MYO3B: variants seen among roughly 807,000 people sequenced by gnomAD.
MYO3B encodes myosin-IIIb.
Under a neutral mutation model 174.6 loss-of-function variants are expected in MYO3B, and 156 were observed. The observed-to-expected ratio is 0.89, with a 90% CI of 0.78 to 1.02. The LOEUF (loss-of-function observed/expected upper bound fraction) is 1.02, where lower values mean the gene tolerates loss of function less well. MYO3B is among the 50% of genes least tolerant of loss of function. The probability of loss-of-function intolerance (pLI) is 0.00; values close to 1 mark genes in which losing one functional copy is unlikely to be tolerated. For missense variants in MYO3B, 1,632 were observed against 1,639.4 expected, an observed-to-expected ratio of 1.00 and a Z score of 0.08; for synonymous variants, 563 against 569.1, an observed-to-expected ratio of 0.99 and a Z score of 0.15.
At chr2:170,501,038 C>T (rs1687234942) in intron 27 of MYO3B, among the ~76,000 whole-genome samples, 1 of 152,088 alleles carries the variant, frequency 6.6e-6, no homozygotes. Context: ...CTATTTTGGA[C>T]TTCATGAGCT....
Position 170,498,711 on chromosome 2 carries a change from G to C in MYO3B, c.3126+8G>C, listed in dbSNP as rs375728954. 3 of 1,508,926 alleles carry C rather than the reference G, an allele frequency of 2.0e-6. No individual in the cohort carries two copies. The highest frequency in any genetic ancestry group is 2.3e-5 in the South Asian group (2 of 88,632). The allele number at this position is 1,508,926 out of a possible 1,614,324, so 93.5% of individuals were successfully genotyped here. A position where few individuals can be genotyped will look rare whatever the true frequency, so the allele number is the denominator to read the frequency against. ...GTACTGGGAAAAACAAAGGTAGTTC[G>C]TTCTTTATTGTTCAAATTGTCCCGT... On this transcript the variant is annotated splice_region_variant and intron_variant, in intron 26 of 34. Transcript: ENST00000408978.
At position 170,542,961 on chromosome 2, in the gene MYO3B, A is replaced by C. The variant is rs1205756110; in HGVS notation, c.3631A>C (p.Asn1211His). ...GTGCGATATCTTCGCAGGACATGCA[A>C]ACAAGGTAGCTGGATATCTTGATTC... ...KGCDIFAGHANKHSVSGTDLL... is the reference protein window; with the variant it reads ...KGCDIFAGHAHKHSVSGTDLL... Residue 1211 changes from asparagine to histidine, a missense_variant, in exon 31 of 35, where the codon AAC becomes CAC. By Grantham distance (68) the Asn-to-His change is moderately conservative. Coordinates refer to ENST00000408978, the MANE Select transcript of MYO3B (RefSeq NM_138995.5). 6.2e-7 allele frequency: 1 copy of C among 1,609,424 alleles called. No individual in the cohort carries two copies. Among genetic ancestry groups the C allele is most frequent in the Non-Finnish European group, 8.5e-7 (1 of 1,177,394 alleles).
At chr2:170,520,688 T>C (rs1688624027) in intron 30 of MYO3B, among the ~76,000 whole-genome samples, 1 of 152,084 alleles carries the variant, frequency 6.6e-6, no homozygotes, top group South Asian at 2.1e-4. Flanking sequence ...GAGCTTGCCT[T>C]TCAGTGACCT....
chr2:170,650,358 A>G (rs1042090005), intron 32 of MYO3B, among the ~76,000 whole-genome samples: 1 of 152,104 alleles, frequency 6.6e-6, no homozygotes, highest in African/African-American at 2.4e-5. Context: ...GGACCTTGCT[A>G]AGTCACTCTC....
At chr2:170,420,143 G>A (rs1042020307) in intron 22 of MYO3B, among the ~76,000 whole-genome samples, 10 of 152,084 alleles carry the variant, frequency 6.6e-5, no homozygotes, top group South Asian at 2.1e-4. Context: ...AGCCAAGATC[G>A]CACCACTGCA....
At chr2:170,517,039 C>G (rs943087720) in intron 29 of MYO3B, among the ~76,000 whole-genome samples, 1 of 152,172 alleles carries the variant, frequency 6.6e-6, no homozygotes, top group Non-Finnish European at 1.5e-5. Flanking sequence ...TTCCAACTGT[C>G]ACCAGCTCAT....
intron 7 of MYO3B, among the ~76,000 whole-genome samples, chr2:170,269,930 A>G (rs2093414117): frequency 6.6e-6 from 1 of 152,176 alleles, no homozygotes; most frequent in Admixed American, 6.6e-5. Context: ...AATAATTTGT[A>G]TTTCTAAACA....
At chr2:170,209,437 T>G (rs1358310078) in intron 3 of MYO3B, among the ~76,000 whole-genome samples, 1 of 152,188 alleles carries the variant, frequency 6.6e-6, no homozygotes, top group Non-Finnish European at 1.5e-5. Context: ...TTTCTATGAG[T>G]TCGGTCCATT....
At chr2:170,292,383 G>A (rs1295439261) in intron 7 of MYO3B, among the ~76,000 whole-genome samples, 2 of 152,050 alleles carry the variant, frequency 1.3e-5, no homozygotes, top group African/African-American at 2.4e-5. Flanking sequence ...TGAATTCCTG[G>A]TCAGAGAGCT....
intron 3 of MYO3B, among the ~76,000 whole-genome samples, chr2:170,201,532 T>C (rs781547370): frequency 6.6e-6 from 1 of 152,234 alleles, no homozygotes; most frequent in Non-Finnish European, 1.5e-5. Flanking sequence ...GGGAATTCAT[T>C]TGTTATATTC....
intron 32 of MYO3B, among the ~76,000 whole-genome samples, chr2:170,551,343 A>T (rs866923462): frequency 1.8e-4 from 2 of 10,928 alleles, no homozygotes; most frequent in Non-Finnish European, 4.4e-4. Context: ...AATTTAATTT[A>T]ATTTAATTAT....
chr2:170,569,044 AG>A (rs1270087907), intron 32 of MYO3B, among the ~76,000 whole-genome samples: 2 of 152,192 alleles, frequency 1.3e-5, no homozygotes, highest in East Asian at 1.9e-4. Flanking sequence ...GCCGGTGGGT[AG>A]GGGGAGAGAA....
At chr2:170,246,977 A>G (rs1401267560) in intron 7 of MYO3B, among the ~76,000 whole-genome samples, 2 of 152,230 alleles carry the variant, frequency 1.3e-5, no homozygotes, top group East Asian at 3.9e-4. Flanking sequence ...AGTCAAGACA[A>G]TCTTACATAA....
intron 22 of MYO3B, among the ~76,000 whole-genome samples, chr2:170,426,953 G>T (rs905285718): frequency 2.0e-5 from 3 of 152,036 alleles, no homozygotes; most frequent in Non-Finnish European, 4.4e-5. Flanking sequence ...GGGAGGCGGA[G>T]GATGCAGTCA....
intron 6 of MYO3B, among the ~76,000 whole-genome samples, chr2:170,228,988 A>AC (rs2092985432): frequency 6.7e-6 from 1 of 149,712 alleles, no homozygotes; most frequent in Non-Finnish European, 1.5e-5. Flanking sequence ...AAAACAACGA[A>AC]TCTCAAATGT....
chr2:170,416,889 G>C (rs1471539399), intron 22 of MYO3B, among the ~76,000 whole-genome samples: 4 of 144,812 alleles, frequency 2.8e-5, no homozygotes, highest in Non-Finnish European at 6.0e-5. Context: ...GCAGTGCCGC[G>C]ATCTCGGCTC....
At chr2:170,401,802 C>CTCTTTTT in intron 18 of MYO3B, 111 bp downstream of exon 18, 1 of 698,084 alleles carries the variant, frequency 1.4e-6, no homozygotes, top group South Asian at 2.0e-5. Context: ...CTTTCTTTTT[C>CTCTTTTT]TTTTTTTTTT....
At chr2:170,510,105 C>G (rs1687889775) in intron 28 of MYO3B, among the ~76,000 whole-genome samples, 1 of 152,162 alleles carries the variant, frequency 6.6e-6, no homozygotes. Flanking sequence ...CTAGAGCCTG[C>G]TAATTTCATA....
intron 22 of MYO3B, among the ~76,000 whole-genome samples, chr2:170,443,748 A>G (rs988760663): frequency 1.5e-5 from 2 of 131,250 alleles, no homozygotes; most frequent in African/African-American, 5.3e-5. Context: ...AAATGAATAT[A>G]AATTCAATTT....
Sources: gnomAD v4.1 joint callset for allele counts (sites outside exome capture counted in the v4.1 genomes callset) on GRCh38, gnomAD v4.1.1 for gene constraint, MANE v1.5 for transcripts, NCBI Gene and HGNC (gene_info 2026-07-23, HGNC 2026-07-21) for gene names.